Variants in PKIB observed in about 807,000 individuals in gnomAD.
PKIB encodes the protein PKI-beta.
A neutral mutation model predicts 4.5 loss-of-function variants in PKIB; 2 were observed. That is an observed-to-expected ratio of 0.44 (90% confidence interval 0.18 to 1.39). The LOEUF is 1.39. Ranked by LOEUF, PKIB falls within the 40% of genes most tolerant of loss-of-function variation. PKIB has a pLI of 0.27. For synonymous variants in PKIB, 38 were observed against 36.0 expected (o/e 1.06, Z -0.20); for missense variants, 94 against 92.6 (o/e 1.02, Z -0.06).
intron 2 of PKIB, among the ~76,000 whole-genome samples, chr6:122,537,543 G>A (rs573306659): frequency 6.6e-6 from 1 of 152,150 alleles, no homozygotes; most frequent in East Asian, 1.9e-4. Flanking sequence ...GTATTCCATG[G>A]TATATGTGCC....
intron 1 of PKIB, among the ~76,000 whole-genome samples, chr6:122,622,319 A>G (rs1480715537): frequency 1.3e-5 from 2 of 151,338 alleles, no homozygotes; most frequent in African/African-American, 2.4e-5. Context: ...TTTTTTGTAA[A>G]TACTTAGACT....
In PKIB at chr6:122,657,141, T is replaced by TA. The variant is rs145020199; in HGVS notation, c.-75-17936dup. 1.2e-3 allele frequency among the ~76,000 whole-genome samples: 186 copies of TA among 152,354 alleles called. 3 individuals carry two copies. The East Asian group carries it at 0.02, about 17-fold the overall frequency. ...TCTGTCATCTCACGTAGCTACTTCTTATTTTGTCTTTAAGGCTTTTTTACA... is the reference window on the plus strand; with the variant it reads ...TCTGTCATCTCACGTAGCTACTTCTTAATTTTGTCTTTAAGGCTTTTTTACA... On this transcript the variant is annotated intron_variant, in intron 2 of 4. Transcript: ENST00000368452.
chr6:122,656,813 C>A (rs974729869), intron 2 of PKIB, among the ~76,000 whole-genome samples: 8 of 152,328 alleles, frequency 5.3e-5, no homozygotes, highest in Middle Eastern at 3.4e-3. Context: ...TATGTTTGCT[C>A]TATGCACACT....
chr6:122,647,282 T>C (rs1261306897), intron 2 of PKIB, among the ~76,000 whole-genome samples: 1 of 152,212 alleles, frequency 6.6e-6, no homozygotes, highest in Non-Finnish European at 1.5e-5. Context: ...GATAATCTTC[T>C]TCACTTAAAG....
intron 1 of PKIB, among the ~76,000 whole-genome samples, chr6:122,622,176 C>G (rs1775260799): frequency 6.6e-6 from 1 of 152,108 alleles, no homozygotes; most frequent in Admixed American, 6.5e-5. Flanking sequence ...CCATAAGAAT[C>G]ATGTGATTTA....
At position 122,509,386 on chromosome 6, in the gene PKIB, T is replaced by G. The variant is rs185839581; in HGVS notation, c.-248+31447T>G. Among the ~76,000 whole-genome samples, 285 of 152,256 alleles carry G rather than the reference T, an allele frequency of 1.9e-3. 1 individual carries two copies. Among genetic ancestry groups the G allele is most frequent in the Non-Finnish European group, 3.4e-3 (228 of 68,026 alleles). ...GGAACTACAATCTTATTGGGCTTAGTGCCATAAAGTTTAACAATTTGTATA... is the reference window on the plus strand; with the variant it reads ...GGAACTACAATCTTATTGGGCTTAGGGCCATAAAGTTTAACAATTTGTATA... On this transcript the variant is annotated intron_variant, in intron 2 of 6. Coordinates refer to the PKIB transcript ENST00000392491.
intron 2 of PKIB, among the ~76,000 whole-genome samples, chr6:122,575,206 C>T (rs1447915815): frequency 6.6e-6 from 1 of 152,050 alleles, no homozygotes; most frequent in African/African-American, 2.4e-5. Context: ...AAGATATTAC[C>T]TTACTCTTGC....
chr6:122,635,498 A>C (rs1447143883), intron 2 of PKIB, among the ~76,000 whole-genome samples: 3 of 124,308 alleles, frequency 2.4e-5, no homozygotes, highest in African/African-American at 3.3e-5. Flanking sequence ...TCTTTGAAAG[A>C]GAAAACATTT....
chr6:122,689,147 G>A lies in PKIB; in HGVS notation c.-9+14003G>A, dbSNP rs115882840. On this transcript the variant is annotated intron_variant, in intron 3 of 4. Transcript: ENST00000368452. ...TTTCATCTCTAATTCTATTTATTTG[G>A]GTCTTCTCTCTTTTTTTCTTAGTCT... Among the ~76,000 whole-genome samples the A allele has an allele frequency of 3.4e-3, 513 of 151,852 alleles. 5 individuals carry two copies. The highest frequency in any genetic ancestry group is 0.012 in the African/African-American group (496 of 41,402).
chr6:122,527,444 G>A (rs552850584), intron 2 of PKIB, among the ~76,000 whole-genome samples: 2 of 152,068 alleles, frequency 1.3e-5, no homozygotes, highest in South Asian at 4.2e-4. Flanking sequence ...GCAGATATGT[G>A]CAAATTTTTC....
In PKIB at chr6:122,525,781, G is replaced by A. The variant is rs532346480; in HGVS notation, c.-248+47842G>A. On this transcript the variant is annotated intron_variant, in intron 2 of 6. Transcript: ENST00000392491. ...ATGGTTGCTGACTGATCAGGGTGGT[G>A]GTTGCTGAAGGTTGAAGTGGCTGTG... is the stretch of plus-strand genomic sequence containing the variant. Among the ~76,000 whole-genome samples, 78 of 152,206 alleles carry A rather than the reference G, an allele frequency of 5.1e-4. 2 individuals are homozygous for A. Among genetic ancestry groups the A allele is most frequent in the Admixed American group, 5.0e-3 (77 of 15,296 alleles).
intron 2 of PKIB, among the ~76,000 whole-genome samples, chr6:122,496,774 G>A (rs916398182): frequency 6.6e-6 from 1 of 152,018 alleles, no homozygotes; most frequent in Non-Finnish European, 1.5e-5. Flanking sequence ...AAAAGATAAG[G>A]ATACAAAGTA....
chr6:122,642,491 A>G (rs1776157980), intron 2 of PKIB, among the ~76,000 whole-genome samples: 1 of 152,222 alleles, frequency 6.6e-6, no homozygotes, highest in South Asian at 2.1e-4. Flanking sequence ...AATGGCTGGT[A>G]AGAGTATAGT....
At chr6:122,489,507 CA>C (rs1475737425) in intron 2 of PKIB, among the ~76,000 whole-genome samples, 1 of 152,198 alleles carries the variant, frequency 6.6e-6, no homozygotes, top group Admixed American at 6.5e-5. Flanking sequence ...CTCAGCCTCC[CA>C]AAGTGCTGTG....
intron 2 of PKIB, among the ~76,000 whole-genome samples, chr6:122,520,665 A>ACCCCCC (rs10650320): frequency 1.7e-4 from 18 of 107,976 alleles, no homozygotes; most frequent in East Asian, 2.8e-4. Flanking sequence ...TTATGTTCCC[A>ACCCCCC]CCCCCCCCCC....
At position 122,671,786 on chromosome 6, in the gene PKIB, C is replaced by A. The variant is rs114729153; in HGVS notation, c.-75-3292C>A. 3.7e-3 allele frequency among the ~76,000 whole-genome samples: 559 copies of A among 152,142 alleles called. 4 individuals are homozygous for A. Among genetic ancestry groups the A allele is most frequent in the African/African-American group, 0.013 (534 of 41,490 alleles). On this transcript the variant is annotated intron_variant, in intron 2 of 4. Transcript: ENST00000368452. ...ATCTTGATTTCTGAGCTTTTGGGCA[C>A]CCCCTGAAATTTTGTGCTTCAGACC...
rs563198489 is a variant in PKIB, at chr6:122,526,405, A to T, written c.-248+48466A>T. On this transcript the variant is annotated intron_variant, in intron 2 of 6. Coordinates refer to the PKIB transcript ENST00000392491. ...ATGAATCATTCTTTATGGCAGCTAT[A>T]GCCTTATAAATGTATTTTTTAAATA... Among the ~76,000 whole-genome samples the T allele has an allele frequency of 5.3e-5, 8 of 152,236 alleles. No individual in the cohort carries two copies. In the South Asian group the frequency reaches 1.7e-3, roughly 32 times the overall value.
intron 2 of PKIB, among the ~76,000 whole-genome samples, chr6:122,647,643 G>C (rs1182804098): frequency 6.6e-6 from 1 of 152,164 alleles, no homozygotes; most frequent in African/African-American, 2.4e-5. Context: ...TGTAAAGTTA[G>C]CTATTATGAA....
At chr6:122,606,056 A>G (rs1012236876), upstream of PKIB, among the ~76,000 whole-genome samples, 5 of 152,176 alleles carry the variant, frequency 3.3e-5, no homozygotes, top group African/African-American at 1.2e-4. Flanking sequence ...TTTACTTGGA[A>G]AAAGGATCTT....
Sources: allele counts gnomAD v4.1 joint callset (sites outside exome capture counted in the v4.1 genomes callset), GRCh38; gene constraint gnomAD v4.1.1; transcripts MANE v1.5; gene names NCBI Gene and HGNC (gene_info 2026-07-23, HGNC 2026-07-21).